Variants in LRRC7 observed in about 807,000 individuals in gnomAD.
LRRC7 encodes leucine rich repeat containing 7, also known as leucine-rich repeat-containing protein 7.
LRRC7 carries 23 observed loss-of-function variants against 175.7 expected under a neutral mutation model. The observed-to-expected ratio is 0.13, with a 90% CI of 0.09 to 0.19. The LOEUF is 0.19. Ranked by LOEUF, LRRC7 falls within the 10% of genes least tolerant of loss-of-function variation. LRRC7 has a pLI of 1.00. For synonymous variants in LRRC7, 685 were observed against 680.9 expected, an observed-to-expected ratio of 1.01 and a Z score of -0.09; for missense variants, 1,354 against 1,904.7, an observed-to-expected ratio of 0.71 and a Z score of 5.38.
At chr1:69,644,785 C>T (rs1654761832) in intron 1 of LRRC7, among the ~76,000 whole-genome samples, 1 of 151,770 alleles carries the variant, frequency 6.6e-6, no homozygotes, top group Non-Finnish European at 1.5e-5. Context: ...AAAAAAAATG[C>T]ATCATTAACA....
chr1:69,707,403 C>G (rs149083583), intron 2 of LRRC7, among the ~76,000 whole-genome samples: 1 of 152,074 alleles, frequency 6.6e-6, no homozygotes, highest in African/African-American at 2.4e-5. Context: ...AGCATCTGCC[C>G]GCAGAATAGA....
chr1:69,727,876 T>C (rs1290088068), intron 2 of LRRC7, among the ~76,000 whole-genome samples: 2 of 152,238 alleles, frequency 1.3e-5, no homozygotes, highest in African/African-American at 4.8e-5. Flanking sequence ...TTAATCATTT[T>C]GGCAATTATT....
At chr1:69,579,356 T>C (rs34525709) in intron 1 of LRRC7, among the ~76,000 whole-genome samples, 11,900 of 152,232 alleles carry the variant, frequency 0.078, 558 homozygotes, top group South Asian at 0.11. Context: ...TCTCCACATA[T>C]CTTTTTTTAA....
chr1:69,972,030 C>T (rs1006789010), intron 8 of LRRC7, among the ~76,000 whole-genome samples: 1 of 152,094 alleles, frequency 6.6e-6, no homozygotes, highest in Non-Finnish European at 1.5e-5. Flanking sequence ...AGAAAGGACA[C>T]CTTATTCAAC....
rs369975714 is a variant in LRRC7, at chr1:70,023,302, G to A, written c.1722G>A (p.Gln574=). 9.9e-6 allele frequency: 16 copies of A among 1,613,542 alleles called. No individual in the cohort carries two copies. In the African/African-American group the frequency reaches 2.0e-4, roughly 20 times the overall value. The change falls in exon 17 of 27, where the codon CAG becomes CAA. Residue 574 remains glutamine (Q), a synonymous_variant. Coordinates refer to ENST00000651989, the MANE Select transcript of LRRC7 (RefSeq NM_001370785.2). ...GGGGTTGTATAAGTGGCCTCCAGCA[G>A]GAAAGGAGCATGTGTACTCCATTGC... is the stretch of plus-strand genomic sequence containing the variant. ...LAWGCISGLQ[Q]ERSMCTPLPV... is the part of the protein sequence containing the mutation.
intron 3 of LRRC7, among the ~76,000 whole-genome samples, chr1:69,786,907 T>C (rs1674515866): frequency 6.6e-6 from 1 of 152,034 alleles, no homozygotes; most frequent in South Asian, 2.1e-4. Flanking sequence ...TCCCTCAAAG[T>C]CTTAACTCAT....
intron 4 of LRRC7, among the ~76,000 whole-genome samples, chr1:69,815,015 A>G (rs61784015): frequency 0.073 from 11,039 of 152,190 alleles, 437 homozygotes; most frequent in Middle Eastern, 0.12. Flanking sequence ...TTTCCTGTCA[A>G]TATGTTCAAA....
At chr1:69,711,800 T>A (rs964913609) in intron 2 of LRRC7, among the ~76,000 whole-genome samples, 14 of 152,166 alleles carry the variant, frequency 9.2e-5, no homozygotes, top group African/African-American at 2.9e-4. Context: ...ATGTTTTAAG[T>A]AGGAGCTTAT....
intron 2 of LRRC7, among the ~76,000 whole-genome samples, chr1:69,726,533 G>A (rs72941411): frequency 0.026 from 4,028 of 152,220 alleles, 183 homozygotes; most frequent in African/African-American, 0.091. Context: ...ACAGTCATTG[G>A]ATATCCAGGT....
intron 12 of LRRC7, among the ~76,000 whole-genome samples, chr1:70,012,742 ATTC>A (rs1363600996): frequency 6.6e-6 from 1 of 151,344 alleles, no homozygotes; most frequent in African/African-American, 2.4e-5. Context: ...TATAAAGAAA[ATTC>A]TTCATTTTTA....
At position 70,139,378 on chromosome 1, in the gene LRRC7, A is replaced by G. The variant is rs55634563; in HGVS notation, c.*17491A>G. On this transcript the variant is annotated 3_prime_UTR_variant, in exon 27 of 27. Transcript: ENST00000651989. ...CCAGAAGTCATAAGTGAGAAAGAAAACAAGCATGTCTAGTGAAATCTGTCC... is the reference window on the plus strand; with the variant it reads ...CCAGAAGTCATAAGTGAGAAAGAAAGCAAGCATGTCTAGTGAAATCTGTCC... 12,084 of 152,230 alleles carry G rather than the reference A, an allele frequency of 0.079. 558 individuals carry two copies. Among genetic ancestry groups the G allele is most frequent in the South Asian group, 0.19 (896 of 4,818 alleles). 9.4% of individuals were successfully genotyped at this position (152,230 alleles called of 1,614,324 possible). A position where few individuals can be genotyped will look rare whatever the true frequency, so the allele number is the denominator to read the frequency against.
chr1:69,638,594 A>C (rs1171961939), intron 1 of LRRC7, among the ~76,000 whole-genome samples: 1 of 151,792 alleles, frequency 6.6e-6, no homozygotes, highest in Non-Finnish European at 1.5e-5. Flanking sequence ...ATATCAATTA[A>C]GCCAAGAGCA....
chr1:69,901,691 T>G (rs531902490), intron 7 of LRRC7, among the ~76,000 whole-genome samples: 9 of 152,306 alleles, frequency 5.9e-5, no homozygotes, highest in African/African-American at 1.9e-4. Context: ...AAAATCATCT[T>G]TGATCTCCTT....
At chr1:70,045,331 C>T (rs1422943331) in intron 22 of LRRC7, among the ~76,000 whole-genome samples, 4 of 152,092 alleles carry the variant, frequency 2.6e-5, no homozygotes, top group Admixed American at 1.3e-4. Flanking sequence ...TAAATACTCT[C>T]CCTATGGCTA....
intron 8 of LRRC7, among the ~76,000 whole-genome samples, chr1:69,961,599 A>G (rs1255699070): frequency 6.6e-6 from 1 of 152,232 alleles, no homozygotes; most frequent in East Asian, 1.9e-4. Context: ...GGGCTGCTAC[A>G]GTAACCAAAA....
At chr1:69,753,283 C>CGTGTGTGTGTGTGTGT (rs199915847) in intron 2 of LRRC7, among the ~76,000 whole-genome samples, 2 of 131,138 alleles carry the variant, frequency 1.5e-5, no homozygotes, top group African/African-American at 6.3e-5. Flanking sequence ...AAATCATTGT[C>CGTGTGTGTGTGTGTGT]GTGTGTGTGT....
chr1:69,795,748 T>C (rs1043901545), intron 4 of LRRC7, among the ~76,000 whole-genome samples: 1 of 152,138 alleles, frequency 6.6e-6, no homozygotes, highest in Admixed American at 6.5e-5. Flanking sequence ...TGATGTGGCC[T>C]CCTACCTTTA....
rs539142276 is a variant in LRRC7 at position 69,672,012 on chromosome 1, A to G, written c.3-6369A>G. Reference sequence around the variant, plus strand: ...GGTTCTTATGAAGGCACTTTAAAAAAATTTTTTTTATTATACTTTAAGTTC... The same window carrying G: ...GGTTCTTATGAAGGCACTTTAAAAAGATTTTTTTTATTATACTTTAAGTTC... On this transcript the variant is annotated intron_variant, in intron 1 of 26. Coordinates refer to ENST00000651989, the MANE Select transcript of LRRC7 (RefSeq NM_001370785.2). Among the ~76,000 whole-genome samples the G allele has an allele frequency of 3.2e-3, 488 of 152,226 alleles. 4 individuals carry two copies. Among genetic ancestry groups the G allele is most frequent in the Middle Eastern group, 6.8e-3 (2 of 294 alleles).
intron 1 of LRRC7, among the ~76,000 whole-genome samples, chr1:69,608,858 CTCTCTCTCTATATATATA>C (rs1408658914): frequency 0.011 from 286 of 25,826 alleles, 1 homozygote; most frequent in African/African-American, 0.032. Context: ...CTCTCTCTCT[CTCTCTCTCTATATATATA>C]TATATATATA....
Sources: allele counts gnomAD v4.1 joint callset (sites outside exome capture counted in the v4.1 genomes callset), GRCh38; gene constraint gnomAD v4.1.1; transcripts MANE v1.5; gene names NCBI Gene and HGNC (gene_info 2026-07-23, HGNC 2026-07-21).